The following GRIA2 variants were observed in gnomAD, a reference collection of about 807,000 sequenced individuals.
GRIA2 encodes the protein glutamate ionotropic receptor AMPA type subunit 2, also known as glutamate receptor 2.
Under a neutral mutation model 97.3 loss-of-function variants are expected in GRIA2, and 14 were observed. The ratio of observed to expected loss-of-function variants is 0.14; its 90% CI spans 0.10 to 0.23. The LOEUF is 0.23. Among genes scored for constraint, GRIA2 ranks in the 10% least tolerant of loss-of-function variants. The pLI is 1.00. For missense variants in GRIA2, 558 were observed against 1,069.8 expected (o/e 0.52, Z 6.67); for synonymous variants, 412 against 387.8 (o/e 1.06, Z -0.73).
At chr4:157,344,449 G>A (rs149724560) in intron 12 of GRIA2, among the ~76,000 whole-genome samples, 1 of 152,186 alleles carries the variant, frequency 6.6e-6, no homozygotes, top group East Asian at 1.9e-4. Flanking sequence ...CCAGGAAAGG[G>A]TTATGGGTGA....
rs1579351524 is a variant in GRIA2 at position 157,309,014 on chromosome 4, A to G, written c.470-3665A>G. Among the ~76,000 whole-genome samples the G allele has an allele frequency of 2.0e-5, 3 of 152,290 alleles. No individual in the cohort carries two copies. In the South Asian group the frequency reaches 6.2e-4, roughly 32 times the overall value. On this transcript the variant is annotated intron_variant, in intron 3 of 15. Coordinates refer to ENST00000264426, the MANE Select transcript of GRIA2 (RefSeq NM_001083619.3). The stretch of plus-strand genomic sequence containing the variant: ...GAGAGTCAGTTACTATTACTGAAAA[A>G]AAACCACCTAGGGAAATGGGTTATT...
chr4:157,260,707 A>T (rs1731492992), intron 2 of GRIA2, among the ~76,000 whole-genome samples: 1 of 152,100 alleles, frequency 6.6e-6, no homozygotes, highest in African/African-American at 2.4e-5. Flanking sequence ...TTGGAAAAAA[A>T]GGGAAAACTA....
Position 157,248,566 on chromosome 4 carries a change from CGT to C in GRIA2, c.229+26764_229+26765del, listed in dbSNP as rs72041471. 1.1e-3 allele frequency among the ~76,000 whole-genome samples: 99 copies of C among 93,000 alleles called. 1 individual carries two copies. Among genetic ancestry groups the C allele is most frequent in the African/African-American group, 2.6e-3 (70 of 27,038 alleles). The allele number at this position is 93,000 out of a possible 152,430, so 61.0% of individuals were successfully genotyped here. On this transcript the variant is annotated intron_variant, in intron 2 of 15. Transcript: ENST00000264426. ...ATGTGTGTGTGTGTATATATATATA[CGT>C]GTGTATATATATACGTGTATATATG... is the stretch of plus-strand genomic sequence containing the variant.
chr4:157,256,181 ATAATATATAACATATATTACATATATATG>A (rs1731239332), intron 2 of GRIA2, among the ~76,000 whole-genome samples: 1 of 137,446 alleles, frequency 7.3e-6, no homozygotes, highest in African/African-American at 2.8e-5. Flanking sequence ...TATATTATAT[ATAATATATAACATATATTACATATATATG>A]TTATATATAA....
intron 6 of GRIA2, among the ~76,000 whole-genome samples, chr4:157,329,621 G>C (rs963924543): frequency 6.6e-6 from 1 of 151,732 alleles, no homozygotes; most frequent in Admixed American, 6.6e-5. Flanking sequence ...GTGAGATGGT[G>C]GTTTTCAAAA....
At chr4:157,314,218 G>A (rs1266027292) in intron 4 of GRIA2, among the ~76,000 whole-genome samples, 1 of 152,148 alleles carries the variant, frequency 6.6e-6, no homozygotes, top group Non-Finnish European at 1.5e-5. Flanking sequence ...ATACACACTT[G>A]TGTATGCATT....
intron 6 of GRIA2, 61 bp downstream of exon 6, chr4:157,321,660 G>T: frequency 8.5e-7 from 1 of 1,183,258 alleles, no homozygotes; most frequent in Non-Finnish European, 1.2e-6. Flanking sequence ...AAGAGTCTTG[G>T]CAAATAAGGA....
chr4:157,355,933 T>TAATATATTTATATATA (rs1560781153), intron 12 of GRIA2, among the ~76,000 whole-genome samples: 8 of 23,470 alleles, frequency 3.4e-4, no homozygotes, highest in Non-Finnish European at 6.0e-4. Flanking sequence ...TTATATATAT[T>TAATATATTTATATATA]TATATATTAA....
Position 157,361,211 on chromosome 4 carries a change from C to A in GRIA2, c.2406+87C>A. The A allele has an allele frequency of 2.0e-6, 2 of 992,226 alleles. No individual in the cohort carries two copies. The highest frequency in any genetic ancestry group is 4.9e-5 in the East Asian group (2 of 40,916). The allele number at this position is 992,226 out of a possible 1,614,324, so 61.5% of individuals were successfully genotyped here. ...GCACAGTGTGGGCACTCCGTGCCAC[C>A]AAGTTTCCAACGCTAAGCTGAAGAG... On this transcript the variant is annotated intron_variant, in intron 14 of 15. Coordinates refer to ENST00000264426, the MANE Select transcript of GRIA2 (RefSeq NM_001083619.3). The surrounding 1 kb of genome is among the most constrained non-coding windows in gnomAD (Gnocchi z 5.2).
At chr4:157,270,683 A>G (rs1474676301) in intron 2 of GRIA2, among the ~76,000 whole-genome samples, 1 of 152,076 alleles carries the variant, frequency 6.6e-6, no homozygotes, top group Non-Finnish European at 1.5e-5. Context: ...AGACTATGAC[A>G]CCTTGTGTGC....
At chr4:157,226,499 T>C (rs931957569) in intron 2 of GRIA2, among the ~76,000 whole-genome samples, 7 of 152,054 alleles carry the variant, frequency 4.6e-5, no homozygotes, top group African/African-American at 1.7e-4. Flanking sequence ...ATTCTAAAAT[T>C]ATATTTTTTC....
chr4:157,240,094 T>C (rs17035895), intron 2 of GRIA2, among the ~76,000 whole-genome samples: 2,271 of 152,256 alleles, frequency 0.015, 53 homozygotes, highest in African/African-American at 0.051. Flanking sequence ...ATTTTCTTTA[T>C]TACTTACAAT....
intron 12 of GRIA2, among the ~76,000 whole-genome samples, chr4:157,345,359 C>A (rs1431852528): frequency 6.6e-6 from 1 of 151,462 alleles, no homozygotes; most frequent in Non-Finnish European, 1.5e-5. Context: ...TTTATGGAAC[C>A]CATGCACATC....
intron 2 of GRIA2, among the ~76,000 whole-genome samples, chr4:157,297,959 G>A (rs1427127848): frequency 6.6e-6 from 1 of 151,902 alleles, no homozygotes; most frequent in Non-Finnish European, 1.5e-5. Flanking sequence ...GACAGCTAGG[G>A]TGATGATGAA....
intron 3 of GRIA2, among the ~76,000 whole-genome samples, chr4:157,309,046 T>C (rs1733960014): frequency 6.6e-6 from 1 of 152,128 alleles, no homozygotes. Context: ...TATTAAGCAT[T>C]GAATGGTGGT....
intron 11 of GRIA2, among the ~76,000 whole-genome samples, chr4:157,338,025 T>TATATATATATATATATAC (rs1560773144): frequency 5.0e-4 from 6 of 12,054 alleles, no homozygotes; most frequent in African/African-American, 8.2e-4. Flanking sequence ...TATATATATA[T>TATATATATATATATATAC]ATATATATAT....
At chr4:157,329,576 T>A (rs1361729928) in intron 6 of GRIA2, among the ~76,000 whole-genome samples, 1 of 151,948 alleles carries the variant, frequency 6.6e-6, no homozygotes, top group South Asian at 2.1e-4. Context: ...AATCATTTTC[T>A]GTACTTATTA....
At chr4:157,363,111 G>C in intron 15 of GRIA2, 64 bp downstream of exon 15, 1 of 1,494,956 alleles carries the variant, frequency 6.7e-7, no homozygotes, top group South Asian at 1.3e-5. Flanking sequence ...GCGTCCTTAA[G>C]CTCTTTTAAA....
chr4:157,334,166 C>T (rs577070366), intron 9 of GRIA2, 46 bp downstream of exon 9: 22 of 899,664 alleles, frequency 2.4e-5, no homozygotes, highest in Non-Finnish European at 4.2e-5. Flanking sequence ...TTTCTTATGG[C>T]TAATATCTGC....
Sources: gnomAD v4.1 joint callset for allele counts (sites outside exome capture counted in the v4.1 genomes callset) on GRCh38, gnomAD v4.1.1 for gene constraint, Gnocchi (gnomAD v3.1) non-coding constraint, MANE v1.5 for transcripts, NCBI Gene and HGNC (gene_info 2026-07-23, HGNC 2026-07-21) for gene names.